GPC6: variants seen among roughly 807,000 people sequenced by gnomAD.
GPC6 encodes the protein glypican-6.
Under a neutral mutation model 55.2 loss-of-function variants are expected in GPC6, and 14 were observed. The ratio of observed to expected loss-of-function variants is 0.25; its 90% CI spans 0.17 to 0.40. The LOEUF (loss-of-function observed/expected upper bound fraction) is 0.40. Ranked by LOEUF, GPC6 falls within the 10% of genes least tolerant of loss-of-function variation. The pLI, the probability that GPC6 is intolerant of heterozygous loss-of-function variation, is 1.00. For synonymous variants in GPC6, 278 were observed against 259.6 expected (o/e 1.07, Z -0.68); for missense variants, 641 against 708.5 (o/e 0.90, Z 1.08).
chr13:94,313,454 G>A (rs1392247228), intron 6 of GPC6, among the ~76,000 whole-genome samples: 1 of 152,166 alleles, frequency 6.6e-6, no homozygotes, highest in Non-Finnish European at 1.5e-5. Flanking sequence ...TGTAAGAATA[G>A]TGAAAATAGA....
At chr13:93,890,967 C>A (rs1875648204) in intron 3 of GPC6, among the ~76,000 whole-genome samples, 1 of 151,760 alleles carries the variant, frequency 6.6e-6, no homozygotes, top group Non-Finnish European at 1.5e-5. Flanking sequence ...TCTCATTTAA[C>A]CCTGTAACAC....
intron 1 of GPC6, among the ~76,000 whole-genome samples, chr13:93,243,544 G>A (rs1005864621): frequency 2.3e-4 from 35 of 152,276 alleles, no homozygotes; most frequent in African/African-American, 7.5e-4. Context: ...TGTCCTCTCC[G>A]GTCTCCCAGT....
intron 3 of GPC6, among the ~76,000 whole-genome samples, chr13:93,855,449 G>C (rs1430285198): frequency 6.6e-6 from 1 of 151,660 alleles, no homozygotes; most frequent in Non-Finnish European, 1.5e-5. Context: ...TATCTTGGTT[G>C]CTTCCAAGTT....
chr13:93,497,508 A>G (rs1438002010), intron 1 of GPC6, among the ~76,000 whole-genome samples: 1 of 152,248 alleles, frequency 6.6e-6, no homozygotes, highest in Non-Finnish European at 1.5e-5. Flanking sequence ...AGGAAATTGT[A>G]TTTCAAAGAG....
chr13:94,336,228 A>G (rs1877692584), intron 6 of GPC6, among the ~76,000 whole-genome samples: 1 of 152,178 alleles, frequency 6.6e-6, no homozygotes, highest in South Asian at 2.1e-4. Flanking sequence ...CCCAAAGGAT[A>G]AATCCAGGCT....
At chr13:94,011,555 G>T (rs538545465) in intron 3 of GPC6, among the ~76,000 whole-genome samples, 8 of 152,200 alleles carry the variant, frequency 5.3e-5, no homozygotes, top group African/African-American at 1.9e-4. Flanking sequence ...ATCCTACTTA[G>T]ACTTTTATTA....
intron 1 of GPC6, among the ~76,000 whole-genome samples, chr13:93,295,641 C>A (rs770635019): frequency 6.6e-6 from 1 of 151,858 alleles, no homozygotes; most frequent in South Asian, 2.1e-4. Flanking sequence ...CTACTGCGCT[C>A]GGGTAATTTT....
chr13:93,367,582 G>C (rs150269597), intron 1 of GPC6, among the ~76,000 whole-genome samples: 1 of 151,780 alleles, frequency 6.6e-6, no homozygotes, highest in Non-Finnish European at 1.5e-5. Flanking sequence ...ATTTCCTTTC[G>C]GCAGTGTTTT....
At chr13:93,436,721 A>G (rs1040788143) in intron 1 of GPC6, among the ~76,000 whole-genome samples, 5 of 152,194 alleles carry the variant, frequency 3.3e-5, no homozygotes, top group Non-Finnish European at 5.9e-5. Context: ...GCCCACTAAT[A>G]TGATGGACAC....
chr13:93,642,325 C>T (rs1292533541), intron 2 of GPC6, among the ~76,000 whole-genome samples: 2 of 152,056 alleles, frequency 1.3e-5, no homozygotes, highest in African/African-American at 4.8e-5. Context: ...GACATGATCT[C>T]ATTCATTATT....
intron 2 of GPC6, among the ~76,000 whole-genome samples, chr13:93,651,114 T>C (rs1212908885): frequency 6.6e-6 from 1 of 152,210 alleles, no homozygotes; most frequent in Non-Finnish European, 1.5e-5. Context: ...GAACTCTGCA[T>C]ATTTTTGTTT....
intron 2 of GPC6, among the ~76,000 whole-genome samples, chr13:93,674,432 CT>C (rs1465094812): frequency 6.6e-6 from 1 of 152,000 alleles, no homozygotes; most frequent in Non-Finnish European, 1.5e-5. Flanking sequence ...CACTTTTTTT[CT>C]GATGAAATGA....
chr13:93,953,986 C>A (rs1304082290), intron 3 of GPC6, among the ~76,000 whole-genome samples: 4 of 152,020 alleles, frequency 2.6e-5, no homozygotes, highest in Non-Finnish European at 5.9e-5. Flanking sequence ...GTTGAGCAAC[C>A]ATCACTATTG....
chr13:93,673,535 T>C (rs569931089), intron 2 of GPC6, among the ~76,000 whole-genome samples: 1 of 152,186 alleles, frequency 6.6e-6, no homozygotes, highest in South Asian at 2.1e-4. Flanking sequence ...TCTGTTCATG[T>C]TCCTTCTGGG....
chr13:93,866,216 A>T (rs1293879388), intron 3 of GPC6, among the ~76,000 whole-genome samples: 1 of 151,740 alleles, frequency 6.6e-6, no homozygotes, highest in Non-Finnish European at 1.5e-5. Flanking sequence ...AGACAACCCA[A>T]CTATCCCTCA....
At chr13:93,687,416 T>C (rs1468919901) in intron 2 of GPC6, among the ~76,000 whole-genome samples, 1 of 152,058 alleles carries the variant, frequency 6.6e-6, no homozygotes, top group African/African-American at 2.4e-5. Flanking sequence ...TAACTGAGTA[T>C]TGCATATGAA....
intron 3 of GPC6, among the ~76,000 whole-genome samples, chr13:93,954,016 T>C (rs911168096): frequency 2.6e-5 from 4 of 152,176 alleles, no homozygotes; most frequent in Non-Finnish European, 5.9e-5. Flanking sequence ...AGAACATTTT[T>C]ATCATCCCAA....
At chr13:94,243,486 A>T (rs556384334) in intron 4 of GPC6, among the ~76,000 whole-genome samples, 83 of 152,220 alleles carry the variant, frequency 5.5e-4, no homozygotes, top group African/African-American at 1.9e-3. Flanking sequence ...CAGGAGCACA[A>T]TCAGTTTGTC....
chr13:93,220,701 T>A, the GPC6 span, among the ~76,000 whole-genome samples: 40 of 152,262 alleles, frequency 2.6e-4, 1 homozygote, highest in Admixed American at 2.4e-3. Context: ...TAGCCAGTAG[T>A]ACATTTGTCA....
Sources: allele counts gnomAD v4.1 joint callset (sites outside exome capture counted in the v4.1 genomes callset), GRCh38; gene constraint gnomAD v4.1.1; transcripts MANE v1.5; gene names NCBI Gene and HGNC (gene_info 2026-07-23, HGNC 2026-07-21).